STOX1: variants seen among roughly 807,000 people sequenced by gnomAD.
STOX1 encodes storkhead box 1, also known as storkhead-box protein 1.
In STOX1, 57 loss-of-function variants were observed where a neutral mutation model predicts 74.8. The ratio of observed to expected loss-of-function variants is 0.76; its 90% CI spans 0.62 to 0.95. The LOEUF (loss-of-function observed/expected upper bound fraction) is 0.95, where lower values mean the gene tolerates loss of function less well. Ranked by LOEUF, STOX1 falls within the 40% of genes least tolerant of loss-of-function variation. The pLI is 0.00. For missense variants in STOX1, 1,010 were observed against 1,117.0 expected (o/e 0.90, Z 1.37); for synonymous variants, 375 against 401.3 (o/e 0.93, Z 0.78).
chr10:68,863,068 C>T (rs1321762184), intron 1 of STOX1, among the ~76,000 whole-genome samples: 1 of 151,926 alleles, frequency 6.6e-6, no homozygotes, highest in Non-Finnish European at 1.5e-5. Context: ...ACAGATAGGC[C>T]GATGTTCAAA....
chr10:68,888,441 T>A (rs1041689894), intron 3 of STOX1, among the ~76,000 whole-genome samples: 2 of 152,056 alleles, frequency 1.3e-5, no homozygotes, highest in Admixed American at 6.6e-5. Flanking sequence ...TTATATTTGG[T>A]TTGTTTCTGT....
intron 1 of STOX1, among the ~76,000 whole-genome samples, chr10:68,835,670 T>G (rs1171515365): frequency 6.6e-6 from 1 of 152,172 alleles, no homozygotes; most frequent in Non-Finnish European, 1.5e-5. Flanking sequence ...TTTAAACACA[T>G]TAAGTTACTT....
intron 1 of STOX1, among the ~76,000 whole-genome samples, chr10:68,849,692 A>T (rs963036087): frequency 6.6e-6 from 1 of 152,152 alleles, no homozygotes; most frequent in Non-Finnish European, 1.5e-5. Flanking sequence ...AAAGCTAGTA[A>T]GGGTGGAAGC....
At chr10:68,845,982 T>A (rs770669083) in intron 1 of STOX1, among the ~76,000 whole-genome samples, 6 of 151,656 alleles carry the variant, frequency 4.0e-5, no homozygotes, top group Admixed American at 6.6e-5. Context: ...CAAGTGATCC[T>A]CCCACCTCAG....
At chr10:68,859,661 C>T (rs774336843) in intron 1 of STOX1, among the ~76,000 whole-genome samples, 8 of 151,944 alleles carry the variant, frequency 5.3e-5, no homozygotes, top group Non-Finnish European at 1.0e-4. Flanking sequence ...TGCCTAATGT[C>T]CTTGGCTAGG....
Position 68,827,617 on chromosome 10 carries a change from C to A in STOX1, c.-7C>A. On this transcript the variant is annotated 5_prime_UTR_variant, in exon 1 of 4. Transcript: ENST00000298596. ...TGCGTTGCGGGCTCCCGGCCGCCGG[C>A]GAAAGCATGGCCCGGCCCGTGCAGC... is the stretch of plus-strand genomic sequence containing the variant. 8.7e-7 allele frequency: 1 copy of A among 1,148,076 alleles called. No individual in the cohort carries two copies. Among genetic ancestry groups the A allele is most frequent in the Non-Finnish European group, 1.1e-6 (1 of 934,062 alleles). 71.1% of individuals were successfully genotyped at this position (1,148,076 alleles called of 1,614,324 possible). A position where few individuals can be genotyped will look rare whatever the true frequency, so the allele number is the denominator to read the frequency against.
intron 1 of STOX1, among the ~76,000 whole-genome samples, chr10:68,831,165 T>G (rs1350811874): frequency 6.6e-6 from 1 of 152,176 alleles, no homozygotes; most frequent in Non-Finnish European, 1.5e-5. Flanking sequence ...CAATCTGATC[T>G]CTTTGCCATA....
At position 68,841,081 on chromosome 10, in the gene STOX1, G is replaced by A. The variant is rs144119339; in HGVS notation, c.310+13148G>A. Among the ~76,000 whole-genome samples the A allele has an allele frequency of 2.6e-3, 394 of 151,954 alleles. 2 individuals are homozygous for A. Among genetic ancestry groups the A allele is most frequent in the Non-Finnish European group, 4.1e-3 (277 of 67,968 alleles). On this transcript the variant is annotated intron_variant, in intron 1 of 3. Transcript: ENST00000298596. Reference sequence around the variant, plus strand: ...TCCTGCTTCAGCCTCCTGAGTAGCTGGACTACAGGTGCCTACCACCAAGTC... The same window carrying A: ...TCCTGCTTCAGCCTCCTGAGTAGCTAGACTACAGGTGCCTACCACCAAGTC...
chr10:68,862,679 A>G (rs1388055550), intron 1 of STOX1, among the ~76,000 whole-genome samples: 1 of 151,960 alleles, frequency 6.6e-6, no homozygotes, highest in African/African-American at 2.4e-5. Context: ...ACTTCTTATC[A>G]TTTCTGCTAT....
At chr10:68,839,659 G>A (rs780515748) in intron 1 of STOX1, among the ~76,000 whole-genome samples, 2 of 152,202 alleles carry the variant, frequency 1.3e-5, no homozygotes, top group Non-Finnish European at 1.5e-5. Context: ...GGAGGCCAAG[G>A]CAGGTGGATT....
In STOX1 at chr10:68,881,997, C is replaced by T; in HGVS notation, c.350C>T (p.Ser117Phe). ...GTGCAAATGAATCCAATAACTCAAT[C>T]TCAGTTCGTACCTTTGGGTGAAGTT... is the stretch of plus-strand genomic sequence containing the variant. The part of the protein sequence containing the change: ...FPVQMNPITQ[S>F]QFVPLGEVLC... The change falls in exon 2 of 4, where the codon TCT (serine) becomes TTT (phenylalanine). Residue 117 changes from serine (S) to phenylalanine (F), a missense_variant. Transcript: ENST00000298596. 2 of 1,613,016 alleles carry T rather than the reference C, an allele frequency of 1.2e-6. No homozygotes were observed. The highest frequency in any genetic ancestry group is 1.1e-5 in the South Asian group (1 of 91,048).
chr10:68,853,372 G>A (rs567418816), intron 1 of STOX1, among the ~76,000 whole-genome samples: 14 of 152,260 alleles, frequency 9.2e-5, no homozygotes, highest in Non-Finnish European at 1.8e-4. Flanking sequence ...ACCCTCCAAG[G>A]CTTCTGGTTT....
At chr10:68,845,090 G>A (rs1394524925) in intron 1 of STOX1, among the ~76,000 whole-genome samples, 4 of 151,006 alleles carry the variant, frequency 2.6e-5, no homozygotes, top group Non-Finnish European at 5.9e-5. Flanking sequence ...TCTTACCAGT[G>A]TCTTTTGAAT....
Position 68,827,540 on chromosome 10 carries a change from C to G in STOX1, c.-84C>G. On this transcript the variant is annotated 5_prime_UTR_variant, in exon 1 of 4. Transcript: ENST00000298596. ...CGCCGCGGACCCGCGCGCAGTCGGC[C>G]GATCCTCCCGCCGAGCGAGCGGCGT... The G allele has an allele frequency of 2.1e-6, 2 of 931,988 alleles. No homozygotes were observed. Among genetic ancestry groups the G allele is most frequent in the South Asian group, 5.1e-5 (1 of 19,462 alleles). The allele number at this position is 931,988 out of a possible 1,614,324, so 57.7% of individuals were successfully genotyped here.
chr10:68,888,906 C>A (rs1243905742), intron 3 of STOX1, among the ~76,000 whole-genome samples: 2 of 144,144 alleles, frequency 1.4e-5, no homozygotes, highest in Non-Finnish European at 3.0e-5. Flanking sequence ...AATTCAGCCT[C>A]CCAAACGGCT....
chr10:68,840,328 C>CT (rs1423808434), intron 1 of STOX1, among the ~76,000 whole-genome samples: 3 of 152,154 alleles, frequency 2.0e-5, no homozygotes, highest in Non-Finnish European at 4.4e-5. Flanking sequence ...AGAAGTGGGA[C>CT]TAAGTACAAG....
intron 1 of STOX1, among the ~76,000 whole-genome samples, chr10:68,880,164 C>CTTTTTTTTTTTTTTTTTTTTTTTTTT (rs71028800): frequency 4.0e-5 from 5 of 124,418 alleles, no homozygotes; most frequent in African/African-American, 5.6e-5. Context: ...TCTTTCTTTC[C>CTTTTTTTTTTTTTTTTTTTTTTTTTT]TTTTTTTTTT....
At chr10:68,839,457 A>G (rs1839639941) in intron 1 of STOX1, among the ~76,000 whole-genome samples, 1 of 151,712 alleles carries the variant, frequency 6.6e-6, no homozygotes, top group South Asian at 2.1e-4. Context: ...CCCTGGGCTC[A>G]AGCAATCCTC....
At chr10:68,890,378 G>T (rs1477174752) in intron 3 of STOX1, among the ~76,000 whole-genome samples, 7 of 151,922 alleles carry the variant, frequency 4.6e-5, no homozygotes. Flanking sequence ...GTCCAGGCTG[G>T]TCTCAAACTC....
Sources: gnomAD v4.1 joint callset for allele counts (sites outside exome capture counted in the v4.1 genomes callset) on GRCh38, gnomAD v4.1.1 for gene constraint, MANE v1.5 for transcripts, NCBI Gene and HGNC (gene_info 2026-07-23, HGNC 2026-07-21) for gene names.